Variants in EMC1 observed in about 807,000 individuals in gnomAD.
EMC1 encodes the protein ER membrane protein complex subunit 1, also known as KIAA0090.
A neutral mutation model predicts 128.8 loss-of-function variants in EMC1; 103 were observed. The ratio of observed to expected loss-of-function variants is 0.80; its 90% CI spans 0.68 to 0.94. The LOEUF is 0.94. EMC1 is among the 40% of genes least tolerant of loss of function. EMC1 has a pLI of 0.00. For synonymous variants in EMC1, 442 were observed against 490.4 expected, an observed-to-expected ratio of 0.90 and a Z score of 1.30; for missense variants, 1,083 against 1,250.6, an observed-to-expected ratio of 0.87 and a Z score of 2.02.
In EMC1 at chr1:19,232,614, G is replaced by A. The variant is rs200165082; in HGVS notation, c.1782+10C>T. 626 of 1,613,804 alleles carry A rather than the reference G, an allele frequency of 3.9e-4. No homozygotes were observed. Among genetic ancestry groups the A allele is most frequent in the Non-Finnish European group, 5.0e-4 (594 of 1,179,978 alleles). On this transcript the variant is annotated intron_variant, in intron 15 of 22. Transcript: ENST00000477853. ...CTGAGTCTGGCTCAAGTCAGAGCTG[G>A]ATGCCTCACCTTGTCCTTCACCAGC...
chr1:19,250,259 A>T (rs1369574728), intron 1 of EMC1, among the ~76,000 whole-genome samples: 2 of 146,036 alleles, frequency 1.4e-5, no homozygotes, highest in East Asian at 4.1e-4. Flanking sequence ...TCTTAAACAG[A>T]GTCCTTTTCC....
At chr1:19,220,711 G>A in intron 21 of EMC1, 53 bp downstream of exon 21, 1 of 1,363,454 alleles carries the variant, frequency 7.3e-7, no homozygotes, top group Non-Finnish European at 1.0e-6. Context: ...CTTAATCAGT[G>A]AGGTTAAGTT....
rs556392214 is a variant in EMC1 at position 19,244,127 on chromosome 1, G to A, written c.221-112C>T. 25 of 1,027,036 alleles carry A rather than the reference G, an allele frequency of 2.4e-5. No homozygotes were observed. In the African/African-American group the frequency reaches 3.5e-4, roughly 14 times the overall value. The allele number at this position is 1,027,036 out of a possible 1,614,324, so 63.6% of individuals were successfully genotyped here. A position where few individuals can be genotyped will look rare whatever the true frequency, so the allele number is the denominator to read the frequency against. ...ACAGCAATGTCCAATTTTATCTCGAGGGAGTGAAGGAGTATAGCTAACTGG... is the reference window on the plus strand; with the variant it reads ...ACAGCAATGTCCAATTTTATCTCGAAGGAGTGAAGGAGTATAGCTAACTGG... On this transcript the variant is annotated intron_variant, in intron 2 of 22. Coordinates refer to ENST00000477853, the MANE Select transcript of EMC1 (RefSeq NM_015047.3).
chr1:19,240,196 AG>A, intron 7 of EMC1, 100 bp downstream of exon 7: 1 of 1,465,232 alleles, frequency 6.8e-7, no homozygotes. Flanking sequence ...TCCACTGCTC[AG>A]GAAGAGTCTA....
chr1:19,237,866 T>C, intron 11 of EMC1, 151 bp downstream of exon 11: 1 of 980,992 alleles, frequency 1.0e-6, no homozygotes, highest in African/African-American at 1.6e-5. Flanking sequence ...GCCTTTACTG[T>C]GACTTCTAAC....
At position 19,246,061 on chromosome 1, in the gene EMC1, C is replaced by G. The variant is rs188692132; in HGVS notation, c.96-1031G>C. On this transcript the variant is annotated intron_variant, in intron 1 of 22. Transcript: ENST00000477853. ...TCGAGGCTGCAGTGAGCCGAGATCA[C>G]ACCATTGCACTCCAACCTGACAAGA... 1.9e-3 allele frequency among the ~76,000 whole-genome samples: 295 copies of G among 152,202 alleles called. 1 individual carries two copies. Among genetic ancestry groups the G allele is most frequent in the African/African-American group, 6.6e-3 (273 of 41,520 alleles).
At chr1:19,234,498 G>A (rs1351875154) in intron 13 of EMC1, among the ~76,000 whole-genome samples, 4 of 152,274 alleles carry the variant, frequency 2.6e-5, no homozygotes, top group Non-Finnish European at 5.9e-5. Flanking sequence ...TGAGTATAAG[G>A]TGCCTGGCAA....
In EMC1 at chr1:19,238,154, A is replaced by G; in HGVS notation, c.1090-15T>C. 6.2e-7 allele frequency: 1 copy of G among 1,612,834 alleles called. No homozygotes were observed. Among genetic ancestry groups the G allele is most frequent in the Non-Finnish European group, 8.5e-7 (1 of 1,179,314 alleles). ...GCCAGAGAGTCCTAGGAGTACAGACAGCACGTGTCAACTACAGGTATCCCC... is the reference window on the plus strand; with the variant it reads ...GCCAGAGAGTCCTAGGAGTACAGACGGCACGTGTCAACTACAGGTATCCCC... On this transcript the variant is annotated splice_polypyrimidine_tract_variant and intron_variant, in intron 10 of 22. Coordinates refer to ENST00000477853, the MANE Select transcript of EMC1 (RefSeq NM_015047.3).
chr1:19,243,433 C>T (rs555056872), intron 4 of EMC1, among the ~76,000 whole-genome samples, 181 bp downstream of exon 4: 1 of 152,308 alleles, frequency 6.6e-6, no homozygotes, highest in South Asian at 2.1e-4. Flanking sequence ...AACTCTGCAT[C>T]TAACAGGCGC....
intron 1 of EMC1, among the ~76,000 whole-genome samples, chr1:19,246,903 C>T (rs570216646): frequency 7.2e-5 from 11 of 152,296 alleles, no homozygotes; most frequent in South Asian, 2.1e-4. Context: ...CAGTATTTGA[C>T]GGCAAGGCCT....
At chr1:19,231,053 G>C in intron 16 of EMC1, 90 bp from the exon 17 acceptor site, 1 of 1,524,798 alleles carries the variant, frequency 6.6e-7, no homozygotes, top group Non-Finnish European at 9.0e-7. Flanking sequence ...CAGTTGATTT[G>C]AACTCAGTTT....
At chr1:19,244,879 A>G (rs1250809321) in intron 2 of EMC1, 27 bp downstream of exon 2, 27 of 1,612,496 alleles carry the variant, frequency 1.7e-5, no homozygotes, top group Non-Finnish European at 2.1e-5. Context: ...TGAGGCAGCC[A>G]GTAGACACAG....
At chr1:19,222,929 T>TC (rs762100227) in intron 19 of EMC1, 95 bp from the exon 20 acceptor site, 1 of 870,290 alleles carries the variant, frequency 1.1e-6, no homozygotes, top group Non-Finnish European at 1.8e-6. Context: ...TAGCTACAGA[T>TC]CCATGAAGGA....
chr1:19,231,235 T>C (rs889406288), intron 16 of EMC1, 26 bp downstream of exon 16: 2 of 1,573,538 alleles, frequency 1.3e-6, no homozygotes, highest in Non-Finnish European at 1.7e-6. Flanking sequence ...CGCTAGCATG[T>C]TCTCCATCCC....
Position 19,239,991 on chromosome 1 carries a change from AG to A in EMC1, c.787-7del, listed in dbSNP as rs2093594608. On this transcript the variant is annotated splice_region_variant and splice_polypyrimidine_tract_variant and intron_variant, in intron 7 of 22. Coordinates refer to ENST00000477853, the MANE Select transcript of EMC1 (RefSeq NM_015047.3). ...CCAAATTCTAAGTCGAGAGACTGGA[AG>A]GCAAGAAGGAGGAGGATTATGGCTA... is the stretch of plus-strand genomic sequence containing the variant. The A allele has an allele frequency of 6.2e-7, 1 of 1,608,376 alleles. No individual in the cohort carries two copies. Among genetic ancestry groups the A allele is most frequent in the Non-Finnish European group, 8.5e-7 (1 of 1,176,170 alleles).
chr1:19,231,250 G>A lies in EMC1; in HGVS notation c.1944+11C>T, dbSNP rs1171286444. Reference sequence around the variant, plus strand: ...CGCTAGCATGTTCTCCATCCCCTCTGAAGACAGTACCTTGTATTCATCATC... The same window carrying A: ...CGCTAGCATGTTCTCCATCCCCTCTAAAGACAGTACCTTGTATTCATCATC... On this transcript the variant is annotated intron_variant, in intron 16 of 22. Coordinates refer to ENST00000477853, the MANE Select transcript of EMC1 (RefSeq NM_015047.3). 2 of 1,585,680 alleles carry A rather than the reference G, an allele frequency of 1.3e-6. No homozygotes were observed. Among genetic ancestry groups the A allele is most frequent in the Non-Finnish European group, 1.7e-6 (2 of 1,171,992 alleles).
chr1:19,232,905 G>A (rs763424800), intron 14 of EMC1, 31 bp downstream of exon 14: 2 of 1,610,974 alleles, frequency 1.2e-6, no homozygotes, highest in Non-Finnish European at 1.7e-6. Context: ...ATTTGAAAAG[G>A]TTCAGTAACT....
chr1:19,238,735 C>T (rs2093584742), intron 10 of EMC1, 60 bp downstream of exon 10: 1 of 1,182,906 alleles, frequency 8.5e-7, no homozygotes. Context: ...CTTCCCCCAA[C>T]TCTCTTTGGT....
At chr1:19,228,336 T>G (rs1000938591) in intron 17 of EMC1, among the ~76,000 whole-genome samples, 3 of 152,180 alleles carry the variant, frequency 2.0e-5, no homozygotes, top group Admixed American at 2.0e-4. Flanking sequence ...AAGATCCCTG[T>G]ATACTGGGGC....
Sources: allele counts gnomAD v4.1 joint callset (sites outside exome capture counted in the v4.1 genomes callset), GRCh38; gene constraint gnomAD v4.1.1; transcripts MANE v1.5; gene names NCBI Gene and HGNC (gene_info 2026-07-23, HGNC 2026-07-21).